The following RGS6 variants were observed in gnomAD, a reference collection of about 807,000 sequenced individuals.
The protein encoded by RGS6 is regulator of G protein signaling 6.
In RGS6, 30 loss-of-function variants were observed where a neutral mutation model predicts 78.5. The ratio of observed to expected loss-of-function variants is 0.38; its 90% CI spans 0.29 to 0.52. The LOEUF (loss-of-function observed/expected upper bound fraction) is 0.52. Among genes scored for constraint, RGS6 ranks in the 20% least tolerant of loss-of-function variants. The probability of loss-of-function intolerance (pLI) is 0.85; values close to 1 mark genes in which losing one functional copy is unlikely to be tolerated. For synonymous variants in RGS6, 206 were observed against 206.0 expected (o/e 1.00, Z 0.00); for missense variants, 495 against 609.7 (o/e 0.81, Z 1.98).
chr14:71,932,533 C>G lies in RGS6; in HGVS notation c.-429C>G, dbSNP rs1397033916. 1.3e-5 allele frequency: 2 copies of G among 152,064 alleles called. No homozygotes were observed. The highest frequency in any genetic ancestry group is 2.9e-5 in the Non-Finnish European group (2 of 68,016). 9.4% of individuals were successfully genotyped at this position (152,064 alleles called of 1,614,324 possible). ...TACAGCCGCCGGAGCCGCCAGGCGC[C>G]GAGGGAACGGACAGACCTCCGCGCA... On this transcript the variant is annotated 5_prime_UTR_variant, in exon 1 of 18. Transcript: ENST00000553525.
chr14:72,436,286 C>G (rs1249818187), intron 3 of RGS6, among the ~76,000 whole-genome samples: 1 of 151,538 alleles, frequency 6.6e-6, no homozygotes, highest in Non-Finnish European at 1.5e-5. Flanking sequence ...CTGGAACATA[C>G]AGCTGGACCT....
chr14:71,890,358 C>CAGAGAGAGAGAGAGAGAGAGAGAG, the RGS6 span, among the ~76,000 whole-genome samples: 24 of 133,004 alleles, frequency 1.8e-4, no homozygotes, highest in Non-Finnish European at 3.1e-4. Flanking sequence ...GTGCATAAGA[C>CAGAGAGAGAGAGAGAGAGAGAGAG]AGAGAGAGAG....
At chr14:72,486,390 G>A (rs1192198993) in intron 12 of RGS6, among the ~76,000 whole-genome samples, 2 of 152,086 alleles carry the variant, frequency 1.3e-5, no homozygotes, top group African/African-American at 4.8e-5. Context: ...CAGGAGCAGG[G>A]CTTATAAATA....
chr14:71,897,125 T>G, the RGS6 span, among the ~76,000 whole-genome samples: 2 of 152,248 alleles, frequency 1.3e-5, no homozygotes, highest in Admixed American at 1.3e-4. Context: ...CCAAGAGATA[T>G]GTCTCTACAC....
chr14:72,317,699 A>G (rs1470948070), intron 2 of RGS6, among the ~76,000 whole-genome samples: 1 of 152,222 alleles, frequency 6.6e-6, no homozygotes, highest in Non-Finnish European at 1.5e-5. Flanking sequence ...GCTTTGATGT[A>G]GTAAAAACAG....
At chr14:72,240,966 G>T (rs921587891) in intron 2 of RGS6, among the ~76,000 whole-genome samples, 1 of 152,022 alleles carries the variant, frequency 6.6e-6, no homozygotes, top group Non-Finnish European at 1.5e-5. Context: ...AGACCATCTT[G>T]GCCAACATGG....
intron 3 of RGS6, among the ~76,000 whole-genome samples, chr14:72,361,331 T>C (rs1299756174): frequency 6.6e-6 from 1 of 152,156 alleles, no homozygotes. Context: ...GTAACTAAAA[T>C]GATTGCCCAT....
chr14:72,056,279 C>G (rs552333518), intron 2 of RGS6, among the ~76,000 whole-genome samples: 2 of 152,320 alleles, frequency 1.3e-5, no homozygotes, highest in South Asian at 4.1e-4. Flanking sequence ...GCTCTCAGCC[C>G]TGCTCATAGT....
At chr14:71,882,688 C>G in the RGS6 span, among the ~76,000 whole-genome samples, 8 of 152,072 alleles carry the variant, frequency 5.3e-5, no homozygotes, top group East Asian at 9.6e-4. Flanking sequence ...TGATTTCTGC[C>G]CAGGAGAAAA....
At chr14:72,274,777 C>A (rs1240520291) in intron 2 of RGS6, among the ~76,000 whole-genome samples, 1 of 152,300 alleles carries the variant, frequency 6.6e-6, no homozygotes. Context: ...GAAGTGGATT[C>A]TCTCCCAGGG....
chr14:72,547,943 C>T (rs1364719120), intron 17 of RGS6, among the ~76,000 whole-genome samples: 1 of 152,222 alleles, frequency 6.6e-6, no homozygotes, highest in Non-Finnish European at 1.5e-5. Context: ...CCAGAAAATA[C>T]TCATATGTGG....
chr14:72,598,002 G>A, the RGS6 span, among the ~76,000 whole-genome samples: 37 of 152,268 alleles, frequency 2.4e-4, no homozygotes, highest in East Asian at 5.4e-3. Flanking sequence ...TTTCAATTTC[G>A]TGGCCTTGAG....
chr14:72,270,463 C>T (rs2059775528), intron 2 of RGS6, among the ~76,000 whole-genome samples: 1 of 152,210 alleles, frequency 6.6e-6, no homozygotes, highest in African/African-American at 2.4e-5. Flanking sequence ...CAGATGTCAC[C>T]TGAGGACGTT....
At chr14:71,973,907 T>C (rs1322033972) in intron 2 of RGS6, among the ~76,000 whole-genome samples, 5 of 152,212 alleles carry the variant, frequency 3.3e-5, no homozygotes, top group Non-Finnish European at 5.9e-5. Flanking sequence ...AGACCAGTGG[T>C]ATCAGTGTCC....
chr14:72,584,481 G>A, the RGS6 span, among the ~76,000 whole-genome samples: 8 of 152,286 alleles, frequency 5.3e-5, no homozygotes, highest in South Asian at 2.1e-4. Context: ...AGTCCTCTCC[G>A]AAAAGCTGAC....
At chr14:72,100,930 A>G (rs2095515979) in intron 2 of RGS6, among the ~76,000 whole-genome samples, 2 of 152,164 alleles carry the variant, frequency 1.3e-5, no homozygotes, top group Non-Finnish European at 2.9e-5. Context: ...ATGCCAAGGC[A>G]GGTGGATTGT....
chr14:72,551,750 G>T (rs2097510080), intron 17 of RGS6, among the ~76,000 whole-genome samples: 1 of 152,250 alleles, frequency 6.6e-6, no homozygotes, highest in East Asian at 1.9e-4. Context: ...CAATGAGGAT[G>T]TGATCACAAG....
At chr14:71,939,068 C>G (rs1307780344) in intron 1 of RGS6, among the ~76,000 whole-genome samples, 1 of 152,186 alleles carries the variant, frequency 6.6e-6, no homozygotes, top group African/African-American at 2.4e-5. Flanking sequence ...GAACCTTCTC[C>G]TGTTCTGGAC....
At chr14:72,267,028 G>A (rs1167415654) in intron 2 of RGS6, among the ~76,000 whole-genome samples, 1 of 152,176 alleles carries the variant, frequency 6.6e-6, no homozygotes, top group African/African-American at 2.4e-5. Context: ...GTGAGGCAGA[G>A]TCTTGCTCTG....
Sources: allele counts gnomAD v4.1 joint callset (sites outside exome capture counted in the v4.1 genomes callset), GRCh38; gene constraint gnomAD v4.1.1; transcripts MANE v1.5; gene names NCBI Gene and HGNC (gene_info 2026-07-23, HGNC 2026-07-21).